The following PCLO variants were observed in gnomAD, a reference collection of about 807,000 sequenced individuals.
PCLO encodes the protein protein piccolo.
In PCLO, 82 loss-of-function variants were observed where a neutral mutation model predicts 427.5. The observed-to-expected ratio is 0.19, with a 90% CI of 0.16 to 0.23. PCLO has a LOEUF of 0.23. Among genes scored for constraint, PCLO ranks in the 10% least tolerant of loss-of-function variants. The pLI is 1.00. For synonymous variants in PCLO, 2,357 were observed against 2,155.4 expected (o/e 1.09, Z -2.59); for missense variants, 6,239 against 6,115.9 (o/e 1.02, Z -0.67).
chr7:82,838,768 A>T (rs1479831087), intron 14 of PCLO, among the ~76,000 whole-genome samples: 3 of 151,976 alleles, frequency 2.0e-5, no homozygotes, highest in African/African-American at 7.2e-5. Flanking sequence ...AATAATTAGC[A>T]GTGGGGTGGA....
At chr7:82,844,851 T>C (rs953504890) in intron 13 of PCLO, among the ~76,000 whole-genome samples, 3 of 152,188 alleles carry the variant, frequency 2.0e-5, no homozygotes, top group Non-Finnish European at 4.4e-5. Flanking sequence ...CTGGTTTTCC[T>C]TGTTTGTTAT....
chr7:82,920,433 T>C (rs1483864494), intron 6 of PCLO, among the ~76,000 whole-genome samples: 5 of 151,610 alleles, frequency 3.3e-5, no homozygotes, highest in Non-Finnish European at 5.9e-5. Flanking sequence ...GTACTAAATA[T>C]ACTGGATATA....
rs920880943 is a variant in PCLO at position 82,756,518 on chromosome 7, C to A, written c.*2057G>T. The A allele has an allele frequency of 7.0e-6, 1 of 142,582 alleles. No homozygotes were observed. The highest frequency in any genetic ancestry group is 1.5e-5 in the Non-Finnish European group (1 of 64,870). 8.8% of individuals were successfully genotyped at this position (142,582 alleles called of 1,614,324 possible). A position where few individuals can be genotyped will look rare whatever the true frequency, so the allele number is the denominator to read the frequency against. On this transcript the variant is annotated 3_prime_UTR_variant, in exon 25 of 25. Coordinates refer to ENST00000333891, the MANE Select transcript of PCLO (RefSeq NM_033026.6). ...TTATCTTTCTCAGTTTGGGGAAGAT[C>A]GAATTTGTATTCTGAAGTCATATAT...
chr7:82,869,620 T>C (rs985553432), intron 10 of PCLO, among the ~76,000 whole-genome samples: 2 of 151,894 alleles, frequency 1.3e-5, no homozygotes, highest in African/African-American at 4.8e-5. Context: ...CAGTGTGATA[T>C]CGGTGTAGGG....
chr7:82,941,602 T>C (rs1427554582), intron 6 of PCLO, among the ~76,000 whole-genome samples: 1 of 151,848 alleles, frequency 6.6e-6, no homozygotes, highest in African/African-American at 2.4e-5. Context: ...CAACTGCATG[T>C]GAAAATATTT....
In PCLO at chr7:82,951,972, A is replaced by T; in HGVS notation, c.8981T>A (p.Met2994Lys). ...AGCTTCTGCTAAATTTGTGTCAGAC[A>T]TGGAAGGCTTCATTCCCCCAATCCC... ...YRGIGGMKPSMSDTNLAEAGH... is the reference protein window; with the variant it reads ...YRGIGGMKPSKSDTNLAEAGH... The change falls in exon 5 of 25, where the codon ATG becomes AAG. Residue 2994 changes from methionine to lysine, a missense_variant. Around this residue, in one of 5 missense-constraint regions of PCLO, gnomAD observed 4,677 missense variants for 4,468.4 expected, o/e 1.05. Coordinates refer to ENST00000333891, the MANE Select transcript of PCLO (RefSeq NM_033026.6). 6.2e-7 allele frequency: 1 copy of T among 1,613,968 alleles called. No homozygotes were observed. Among genetic ancestry groups the T allele is most frequent in the Admixed American group, 1.7e-5 (1 of 60,018 alleles).
chr7:82,925,246 C>A (rs1042022042), intron 6 of PCLO, among the ~76,000 whole-genome samples: 1 of 151,984 alleles, frequency 6.6e-6, no homozygotes, highest in Non-Finnish European at 1.5e-5. Context: ...GTGAAATATG[C>A]AGGGTATTTT....
At chr7:83,080,154 C>G (rs1312960015) in intron 3 of PCLO, among the ~76,000 whole-genome samples, 1 of 152,152 alleles carries the variant, frequency 6.6e-6, no homozygotes, top group Non-Finnish European at 1.5e-5. Context: ...CTTGTCTTTG[C>G]TACTGTGAAT....
Position 83,052,698 on chromosome 7 carries a change from G to A in PCLO, c.3300+81552C>T, listed in dbSNP as rs143389836. Among the ~76,000 whole-genome samples, 11 of 151,942 alleles carry A rather than the reference G, an allele frequency of 7.2e-5. No homozygotes were observed. The East Asian group carries it at 9.6e-4, about 13-fold the overall frequency. On this transcript the variant is annotated intron_variant, in intron 3 of 24. Transcript: ENST00000333891. ...TTGGTGTCTCCTGTGCCTCTACCTC[G>A]TTGGTTGTTCTATAGCTGTTAGTAC...
intron 3 of PCLO, among the ~76,000 whole-genome samples, chr7:82,977,407 T>TATTC (rs1172564300): frequency 1.3e-5 from 2 of 149,658 alleles, no homozygotes; most frequent in African/African-American, 2.4e-5. Flanking sequence ...TTTATTTATT[T>TATTC]ATTTATTTAT....
chr7:82,886,945 G>C (rs566259368), intron 9 of PCLO, among the ~76,000 whole-genome samples: 1 of 152,256 alleles, frequency 6.6e-6, no homozygotes, highest in South Asian at 2.1e-4. Flanking sequence ...ACTTTGAACA[G>C]ATGGATTTTA....
chr7:82,807,592 A>G (rs910601760), intron 20 of PCLO, among the ~76,000 whole-genome samples: 2 of 152,066 alleles, frequency 1.3e-5, no homozygotes, highest in Non-Finnish European at 2.9e-5. Context: ...CAAAGGATTT[A>G]ACTTTTCCCC....
intron 6 of PCLO, among the ~76,000 whole-genome samples, chr7:82,943,686 A>G (rs1314218042): frequency 6.6e-6 from 1 of 152,062 alleles, no homozygotes; most frequent in Non-Finnish European, 1.5e-5. Context: ...CATTGTGCAG[A>G]AGAAAGAGAA....
At chr7:82,974,208 G>A (rs183398256) in intron 3 of PCLO, among the ~76,000 whole-genome samples, 5 of 152,206 alleles carry the variant, frequency 3.3e-5, no homozygotes, top group Admixed American at 3.3e-4. Flanking sequence ...CCAAAATGGT[G>A]AAACCCCATT....
In PCLO at chr7:82,758,191, C is replaced by G. The variant is rs1185259960; in HGVS notation, c.*384G>C. ...GTTACATCAGTCCTTTCCTTTCAAC[C>G]AAGGCTCCTTTGCATAAAGAATTAC... On this transcript the variant is annotated 3_prime_UTR_variant, in exon 25 of 25. Coordinates refer to ENST00000333891, the MANE Select transcript of PCLO (RefSeq NM_033026.6). 1.9e-5 allele frequency: 3 copies of G among 155,994 alleles called. No individual in the cohort carries two copies. The highest frequency in any genetic ancestry group is 4.2e-5 in the Non-Finnish European group (3 of 70,862). The allele number at this position is 155,994 out of a possible 1,614,324, so 9.7% of individuals were successfully genotyped here. A position where few individuals can be genotyped will look rare whatever the true frequency, so the allele number is the denominator to read the frequency against.
intron 3 of PCLO, among the ~76,000 whole-genome samples, chr7:82,982,573 C>T (rs572491593): frequency 6.6e-6 from 1 of 151,940 alleles, no homozygotes; most frequent in South Asian, 2.1e-4. Context: ...AAAAACAGAC[C>T]TTTAGATATT....
chr7:82,963,369 A>C (rs1422324446), intron 4 of PCLO, among the ~76,000 whole-genome samples: 1 of 152,088 alleles, frequency 6.6e-6, no homozygotes, highest in Non-Finnish European at 1.5e-5. Flanking sequence ...ATAGTTAACA[A>C]ACACAAATGA....
At chr7:82,978,926 G>C (rs561899526) in intron 3 of PCLO, among the ~76,000 whole-genome samples, 19 of 150,104 alleles carry the variant, frequency 1.3e-4, no homozygotes, top group Admixed American at 7.3e-4. Flanking sequence ...CTTGGTCTAG[G>C]ATAATAGAAA....
intron 10 of PCLO, among the ~76,000 whole-genome samples, chr7:82,870,579 T>G (rs1793209509): frequency 6.6e-6 from 1 of 151,850 alleles, no homozygotes; most frequent in Non-Finnish European, 1.5e-5. Flanking sequence ...AAAGCAAAAT[T>G]TGACAAATGG....
Sources: allele counts gnomAD v4.1 joint callset (sites outside exome capture counted in the v4.1 genomes callset), GRCh38; gene constraint gnomAD v4.1.1; regional missense constraint gnomAD v4.1.1; transcripts MANE v1.5; gene names NCBI Gene and HGNC (gene_info 2026-07-23, HGNC 2026-07-21).